Variants in CELF2 observed in about 807,000 individuals in gnomAD.
CELF2 encodes the protein CUGBP Elav-like family member 2, also known as CUG triplet repeat RNA-binding protein 2.
Under a neutral mutation model 62.6 loss-of-function variants are expected in CELF2, and 8 were observed. That is an observed-to-expected ratio of 0.13 (90% CI 0.07 to 0.23). The LOEUF (loss-of-function observed/expected upper bound fraction) is 0.23, where lower values mean the gene tolerates loss of function less well. Among genes scored for constraint, CELF2 ranks in the 10% least tolerant of loss-of-function variants. The probability of loss-of-function intolerance (pLI) is 1.00; values close to 1 mark genes in which losing one functional copy is unlikely to be tolerated. For missense variants in CELF2, 333 were observed against 671.0 expected (o/e 0.50, Z 5.56); for synonymous variants, 258 against 250.0 (o/e 1.03, Z -0.30).
At chr10:10,695,945 G>C in the CELF2 span, among the ~76,000 whole-genome samples, 1 of 151,406 alleles carries the variant, frequency 6.6e-6, no homozygotes, top group South Asian at 2.1e-4. Flanking sequence ...CTTTGCCTTT[G>C]GTTTGAATGT....
At chr10:10,837,819 T>A (rs1056229558) in intron 1 of CELF2, among the ~76,000 whole-genome samples, 1 of 151,548 alleles carries the variant, frequency 6.6e-6, no homozygotes, top group Non-Finnish European at 1.5e-5. Flanking sequence ...TTTAGTAGAC[T>A]TTTTTTTTCC....
intron 2 of CELF2, among the ~76,000 whole-genome samples, chr10:11,168,556 A>G (rs1314068492): frequency 6.6e-6 from 1 of 152,208 alleles, no homozygotes; most frequent in East Asian, 1.9e-4. Flanking sequence ...GGCAGAGTAC[A>G]ATTATCATGT....
chr10:11,066,743 T>C (rs889350594), intron 1 of CELF2, among the ~76,000 whole-genome samples: 5 of 152,212 alleles, frequency 3.3e-5, no homozygotes, highest in Admixed American at 3.3e-4. Flanking sequence ...TTGCTGCTTG[T>C]TGGGGACTCA....
At chr10:10,679,755 T>C in the CELF2 span, among the ~76,000 whole-genome samples, 1 of 152,250 alleles carries the variant, frequency 6.6e-6, no homozygotes, top group South Asian at 2.1e-4. Context: ...TTTAAATGTA[T>C]TCAGTAGATA....
At chr10:10,601,601 G>A in the CELF2 span, among the ~76,000 whole-genome samples, 11 of 152,030 alleles carry the variant, frequency 7.2e-5, no homozygotes, top group Admixed American at 2.0e-4. Context: ...CTAATTGACT[G>A]CATTATAAAT....
the CELF2 span, among the ~76,000 whole-genome samples, chr10:10,517,254 C>T: frequency 6.6e-6 from 1 of 152,114 alleles, no homozygotes; most frequent in Non-Finnish European, 1.5e-5. Context: ...GGAGGCTTCC[C>T]AGGCTGAGGG....
chr10:11,255,515 C>T lies in CELF2; in HGVS notation c.404-2223C>T, dbSNP rs2078439724. Among the ~76,000 whole-genome samples, 1 of 152,196 alleles carries T rather than the reference C, an allele frequency of 6.6e-6. No homozygotes were observed. Among genetic ancestry groups the T allele is most frequent in the Non-Finnish European group, 1.5e-5 (1 of 68,038 alleles). The stretch of plus-strand genomic sequence containing the variant: ...CAGACCCTTCGTCCAGCTTCAATTC[C>T]ACATCCCCCAGCGAGCCTTTCTCAA... On this transcript the variant is annotated intron_variant, in intron 4 of 12. Coordinates refer to ENST00000633077, the MANE Select transcript of CELF2 (RefSeq NM_001326342.2). The surrounding 1 kb of genome is among the most constrained non-coding windows in gnomAD (Gnocchi z 5.5).
At chr10:10,834,778 A>T (rs535313760) in intron 1 of CELF2, among the ~76,000 whole-genome samples, 2 of 152,322 alleles carry the variant, frequency 1.3e-5, no homozygotes, top group South Asian at 2.1e-4. Context: ...ATAAAATTAT[A>T]AAAGTCATTA....
At chr10:10,635,990 C>G in the CELF2 span, among the ~76,000 whole-genome samples, 1 of 152,128 alleles carries the variant, frequency 6.6e-6, no homozygotes, top group African/African-American at 2.4e-5. Flanking sequence ...TCTATCTAAA[C>G]AGAAATATAT....
chr10:10,837,907 A>G (rs974344245), intron 1 of CELF2, among the ~76,000 whole-genome samples: 2 of 152,156 alleles, frequency 1.3e-5, no homozygotes, highest in Non-Finnish European at 2.9e-5. Context: ...AGTTTCCCCT[A>G]TTGCTAATAT....
rs1168935758 is a variant in CELF2, at chr10:10,931,207, G to A, written c.89+11208G>A. ...TTCCTTTTGGACTGAAACCACTCAA[G>A]CATCCTATATTGTGTTCATTTTTCA... On this transcript the variant is annotated intron_variant, in intron 2 of 13. Transcript: ENST00000636488. This position sits in a 1 kb window ranked among gnomAD's most constrained non-coding sequence, Gnocchi z 6.1. Among the ~76,000 whole-genome samples, 2 of 152,038 alleles carry A rather than the reference G, an allele frequency of 1.3e-5. No homozygotes were observed. The highest frequency in any genetic ancestry group is 2.4e-5 in the African/African-American group (1 of 41,390).
At chr10:11,050,973 A>G (rs1594083114) in intron 1 of CELF2, among the ~76,000 whole-genome samples, 1 of 152,204 alleles carries the variant, frequency 6.6e-6, no homozygotes, top group Non-Finnish European at 1.5e-5. Context: ...AAGGAGTGAT[A>G]ATAATAAAAC....
chr10:10,996,739 G>A lies in CELF2; in HGVS notation c.89+76740G>A, dbSNP rs184820975. On this transcript the variant is annotated intron_variant, in intron 2 of 13. Transcript: ENST00000636488. ...CCGCTGTCAAGTTTGGATTTGCCCC[G>A]CAGTTCTGGTCCTCCTCCAGATCCC... Among the ~76,000 whole-genome samples, 316 of 152,108 alleles carry A rather than the reference G, an allele frequency of 2.1e-3. 2 individuals are homozygous for A. The highest frequency in any genetic ancestry group is 6.5e-3 in the African/African-American group (269 of 41,502).
At chr10:10,718,062 A>G in the CELF2 span, among the ~76,000 whole-genome samples, 2 of 152,214 alleles carry the variant, frequency 1.3e-5, no homozygotes, top group Non-Finnish European at 2.9e-5. Context: ...AAAAACAAAG[A>G]AGATAATTAT....
intron 9 of CELF2, 120 bp downstream of exon 9, chr10:11,288,672 C>G (rs1041161099): frequency 2.7e-6 from 3 of 1,100,474 alleles, no homozygotes; most frequent in Non-Finnish European, 3.8e-6. Flanking sequence ...GGATACTATA[C>G]TGGGCTGCTT....
chr10:10,607,919 G>T, the CELF2 span, among the ~76,000 whole-genome samples: 3 of 152,130 alleles, frequency 2.0e-5, no homozygotes, highest in African/African-American at 7.2e-5. Flanking sequence ...CTGAGGTCAG[G>T]AGTTTGAGAC....
chr10:10,825,396 G>C (rs2057309364), intron 1 of CELF2, among the ~76,000 whole-genome samples: 1 of 152,048 alleles, frequency 6.6e-6, no homozygotes, highest in Non-Finnish European at 1.5e-5. Flanking sequence ...TTTTTTAGTA[G>C]AGACGGGGTT....
the CELF2 span, among the ~76,000 whole-genome samples, chr10:10,571,349 C>T: frequency 6.6e-6 from 1 of 152,038 alleles, no homozygotes; most frequent in Non-Finnish European, 1.5e-5. Flanking sequence ...GAAGGCACTG[C>T]AAGAAAGATA....
intron 2 of CELF2, among the ~76,000 whole-genome samples, chr10:11,188,897 T>C (rs1417679732): frequency 1.3e-5 from 2 of 152,226 alleles, no homozygotes; most frequent in Non-Finnish European, 2.9e-5. Flanking sequence ...GTGTTTAATC[T>C]GCCGTTAATC....
Sources: allele counts gnomAD v4.1 joint callset (sites outside exome capture counted in the v4.1 genomes callset), GRCh38; gene constraint gnomAD v4.1.1; non-coding constraint Gnocchi (gnomAD v3.1); transcripts MANE v1.5; gene names NCBI Gene and HGNC (gene_info 2026-07-23, HGNC 2026-07-21).